The following RBM47 variants were observed in gnomAD, a reference collection of about 807,000 sequenced individuals.
The protein encoded by RBM47 is RNA binding motif protein 47, also known as RNA-binding protein 47.
RBM47 carries 21 observed loss-of-function variants against 47.1 expected under a neutral mutation model. The ratio of observed to expected loss-of-function variants is 0.45; its 90% CI spans 0.32 to 0.64. The LOEUF (loss-of-function observed/expected upper bound fraction) is 0.64, where lower values mean the gene tolerates loss of function less well. RBM47 is among the 30% of genes least tolerant of loss of function. RBM47 has a pLI of 0.05. For synonymous variants in RBM47, 375 were observed against 361.7 expected (o/e 1.04, Z -0.42); for missense variants, 708 against 870.9 (o/e 0.81, Z 2.35).
intron 1 of RBM47, among the ~76,000 whole-genome samples, chr4:40,573,570 C>T (rs1015464343): frequency 1.3e-5 from 2 of 151,574 alleles, no homozygotes; most frequent in African/African-American, 2.4e-5. Context: ...TGGTGAAACC[C>T]CATCTCTACA....
At chr4:40,576,545 C>T (rs1354433248) in intron 1 of RBM47, among the ~76,000 whole-genome samples, 1 of 152,116 alleles carries the variant, frequency 6.6e-6, no homozygotes, top group Non-Finnish European at 1.5e-5. Context: ...AACATACTAA[C>T]ATCACAATGA....
At chr4:40,493,864 G>A (rs976946709) in intron 2 of RBM47, among the ~76,000 whole-genome samples, 3 of 151,532 alleles carry the variant, frequency 2.0e-5, no homozygotes, top group Admixed American at 6.6e-5. Flanking sequence ...GCTTGAACCC[G>A]GGAGGCAGAG....
chr4:40,443,048 A>G (rs533922798), intron 3 of RBM47, among the ~76,000 whole-genome samples: 1 of 152,358 alleles, frequency 6.6e-6, no homozygotes, highest in South Asian at 2.1e-4. Context: ...TAATAGTGAA[A>G]TAAGCCAGAC....
chr4:40,452,824 G>A (rs1022433575), intron 3 of RBM47, among the ~76,000 whole-genome samples: 1 of 147,818 alleles, frequency 6.8e-6, no homozygotes, highest in African/African-American at 2.5e-5. Flanking sequence ...ATAATTAAAT[G>A]GACTGTGATT....
chr4:40,496,212 T>C (rs1231497152), intron 2 of RBM47, among the ~76,000 whole-genome samples: 1 of 152,198 alleles, frequency 6.6e-6, no homozygotes, highest in East Asian at 1.9e-4. Flanking sequence ...TCAGCACCTG[T>C]GTTGTGTGGG....
intron 1 of RBM47, among the ~76,000 whole-genome samples, chr4:40,556,591 TAAG>T (rs1730114298): frequency 6.6e-6 from 1 of 152,132 alleles, no homozygotes; most frequent in Non-Finnish European, 1.5e-5. Context: ...ACATTCTTTT[TAAG>T]ATTATACTAT....
chr4:40,505,113 G>T (rs1261499302), intron 2 of RBM47, among the ~76,000 whole-genome samples: 1 of 152,012 alleles, frequency 6.6e-6, no homozygotes, highest in Admixed American at 6.6e-5. Flanking sequence ...ATTGCTTGAG[G>T]CCAGGAGTTT....
At chr4:40,491,370 T>C (rs1721846901) in intron 2 of RBM47, among the ~76,000 whole-genome samples, 1 of 152,200 alleles carries the variant, frequency 6.6e-6, no homozygotes, top group Non-Finnish European at 1.5e-5. Context: ...GTAAAACTCT[T>C]GGAAGAAAAC....
chr4:40,535,375 T>TTTTTTTTTTTTTTCTTTTTTTTTC (rs1727853474), intron 2 of RBM47, among the ~76,000 whole-genome samples: 1 of 134,196 alleles, frequency 7.5e-6, no homozygotes, highest in East Asian at 2.2e-4. Context: ...GTATTTCTTT[T>TTTTTTTTTTTTTTCTTTTTTTTTC]TTTTTTTTTT....
chr4:40,516,265 T>TTTC (rs1560438531), intron 2 of RBM47, among the ~76,000 whole-genome samples: 2 of 112,812 alleles, frequency 1.8e-5, no homozygotes, highest in East Asian at 2.9e-4. Flanking sequence ...TTCTTTCTTT[T>TTTC]TTTTTTTTTT....
At chr4:40,489,197 T>C (rs1721529653) in intron 2 of RBM47, among the ~76,000 whole-genome samples, 1 of 152,158 alleles carries the variant, frequency 6.6e-6, no homozygotes, top group South Asian at 2.1e-4. Context: ...AACTGTCCTG[T>C]AAAATGGAGC....
At chr4:40,507,095 CA>C (rs746339421) in intron 2 of RBM47, among the ~76,000 whole-genome samples, 9 of 152,042 alleles carry the variant, frequency 5.9e-5, no homozygotes, top group Admixed American at 3.9e-4. Context: ...TAGCTGGGAT[CA>C]AAGGCATGCG....
chr4:40,480,897 T>A lies in RBM47; in HGVS notation c.-154-14198A>T, dbSNP rs566215911. Among the ~76,000 whole-genome samples the A allele has an allele frequency of 2.6e-5, 4 of 152,254 alleles. No individual in the cohort carries two copies. In the East Asian group the frequency reaches 7.7e-4, roughly 29 times the overall value. ...TGAATGCTGGTGGAGAGAAGACACC[T>A]ATTACCAAGTCACATATCATGTGTA... is the stretch of plus-strand genomic sequence containing the variant. On this transcript the variant is annotated intron_variant, in intron 2 of 6. Coordinates refer to ENST00000295971, the MANE Select transcript of RBM47 (RefSeq NM_001098634.2).
At chr4:40,535,163 C>T (rs1727816539) in intron 2 of RBM47, among the ~76,000 whole-genome samples, 1 of 151,996 alleles carries the variant, frequency 6.6e-6, no homozygotes, top group South Asian at 2.1e-4. Flanking sequence ...CTTCCTTATG[C>T]CTGGCATATA....
intron 1 of RBM47, among the ~76,000 whole-genome samples, chr4:40,580,903 T>C (rs1732833793): frequency 6.6e-6 from 1 of 152,216 alleles, no homozygotes; most frequent in African/African-American, 2.4e-5. Flanking sequence ...ACAGGGAGCC[T>C]AGCAAGGATC....
intron 3 of RBM47, among the ~76,000 whole-genome samples, chr4:40,447,257 C>T (rs937630986): frequency 6.6e-6 from 1 of 152,158 alleles, no homozygotes; most frequent in African/African-American, 2.4e-5. Flanking sequence ...CATTTACTCA[C>T]AGTTTTGTAT....
At chr4:40,600,435 C>T (rs982758393) in intron 1 of RBM47, among the ~76,000 whole-genome samples, 1 of 145,490 alleles carries the variant, frequency 6.9e-6, no homozygotes, top group Admixed American at 7.0e-5. Context: ...GAGATTGAGA[C>T]CATGCTGGCT....
At chr4:40,604,718 T>TTGTCGTTGC (rs1560500808) in intron 1 of RBM47, among the ~76,000 whole-genome samples, 2 of 145,172 alleles carry the variant, frequency 1.4e-5, no homozygotes, top group African/African-American at 5.7e-5. Flanking sequence ...TGGCTCTTTG[T>TTGTCGTTGC]TGTTGTTGTT....
At position 40,472,443 on chromosome 4, in the gene RBM47, G is replaced by A. The variant is rs916790578; in HGVS notation, c.-154-5744C>T. 5.3e-5 allele frequency among the ~76,000 whole-genome samples: 8 copies of A among 151,454 alleles called. No individual in the cohort carries two copies. The South Asian group carries it at 1.0e-3, about 20-fold the overall frequency. On this transcript the variant is annotated intron_variant, in intron 2 of 6. Coordinates refer to ENST00000295971, the MANE Select transcript of RBM47 (RefSeq NM_001098634.2). ...CAAAAAATTAGCCAGGCATGGTGGC[G>A]CATACCTGTAATCTCAGCTAAGGCA...
Sources: allele counts gnomAD v4.1 joint callset (sites outside exome capture counted in the v4.1 genomes callset), GRCh38; gene constraint gnomAD v4.1.1; transcripts MANE v1.5; gene names NCBI Gene and HGNC (gene_info 2026-07-23, HGNC 2026-07-21).